The following MAPK6 variants were observed in gnomAD, a reference collection of about 807,000 sequenced individuals.
MAPK6 encodes the protein ERK-3.
MAPK6 carries 19 observed loss-of-function variants against 59.3 expected under a neutral mutation model. That is an observed-to-expected ratio of 0.32 (90% confidence interval 0.22 to 0.47). The LOEUF (loss-of-function observed/expected upper bound fraction) is 0.47. Among genes scored for constraint, MAPK6 ranks in the 20% least tolerant of loss-of-function variants. The pLI is 1.00. For synonymous variants in MAPK6, 316 were observed against 290.3 expected, an observed-to-expected ratio of 1.09 and a Z score of -0.90; for missense variants, 724 against 847.9, an observed-to-expected ratio of 0.85 and a Z score of 1.81.
intron 3 of MAPK6, among the ~76,000 whole-genome samples, chr15:52,051,759 A>G (rs1007377923): frequency 6.6e-6 from 1 of 152,018 alleles, no homozygotes; most frequent in African/African-American, 2.4e-5. Flanking sequence ...CTGTAATCCC[A>G]GCTACTGGGG....
intron 3 of MAPK6, among the ~76,000 whole-genome samples, chr15:52,050,476 CA>C (rs2031741721): frequency 6.6e-6 from 1 of 152,162 alleles, no homozygotes; most frequent in Non-Finnish European, 1.5e-5. Flanking sequence ...GAAAATCCAA[CA>C]AATTTTTCTT....
intron 3 of MAPK6, among the ~76,000 whole-genome samples, chr15:52,013,009 AAAAAAAAAAAAATATATATATATATATAT>A (rs1410657072): frequency 3.8e-5 from 1 of 26,112 alleles, no homozygotes; most frequent in African/African-American, 1.5e-4. Flanking sequence ...AAAAAAAAAA[AAAAAAAAAAAAATATATATATATATATAT>A]ATATATATAT....
chr15:52,052,712 A>G (rs1377327363), intron 3 of MAPK6, among the ~76,000 whole-genome samples: 4 of 152,166 alleles, frequency 2.6e-5, no homozygotes, highest in Non-Finnish European at 4.4e-5. Flanking sequence ...ATGTTGTGGC[A>G]TATGTTAGTA....
At chr15:52,047,545 C>T (rs777264195) in intron 2 of MAPK6, among the ~76,000 whole-genome samples, 1 of 151,806 alleles carries the variant, frequency 6.6e-6, no homozygotes, top group Non-Finnish European at 1.5e-5. Flanking sequence ...AGGGTTTCAC[C>T]GTGTTGGCCA....
Position 52,063,891 on chromosome 15 carries a change from A to T in MAPK6, c.1068-11A>T, listed in dbSNP as rs1255008541. ...TACGTAGAATAACGCTAGTGTATTG[A>T]TTTTTTTCAGGTATCATGATTGTCA... On this transcript the variant is annotated splice_polypyrimidine_tract_variant and intron_variant, in intron 5 of 5. Coordinates refer to ENST00000261845, the MANE Select transcript of MAPK6 (RefSeq NM_002748.4). 5.9e-6 allele frequency: 9 copies of T among 1,531,912 alleles called. No individual in the cohort carries two copies. The South Asian group carries it at 6.5e-5, about 11-fold the overall frequency. 94.9% of individuals were successfully genotyped at this position (1,531,912 alleles called of 1,614,324 possible).
chr15:52,042,141 C>A (rs528865204), intron 1 of MAPK6, among the ~76,000 whole-genome samples: 23 of 152,270 alleles, frequency 1.5e-4, no homozygotes, highest in Non-Finnish European at 3.1e-4. Context: ...TTTCCAAGAT[C>A]CTGGCTGAAA....
At chr15:52,028,767 CT>C (rs1451977292) in intron 1 of MAPK6, among the ~76,000 whole-genome samples, 1 of 152,200 alleles carries the variant, frequency 6.6e-6, no homozygotes, top group Non-Finnish European at 1.5e-5. Flanking sequence ...CCTCATTTCT[CT>C]GATTCTCTTC....
At position 51,984,697 on chromosome 15, in the gene MAPK6, A is replaced by G. The variant is rs572669336; in HGVS notation, c.-770+1382A>G. Among the ~76,000 whole-genome samples, 249 of 151,956 alleles carry G rather than the reference A, an allele frequency of 1.6e-3. 1 individual carries two copies. Among genetic ancestry groups the G allele is most frequent in the Non-Finnish European group, 3.1e-3 (212 of 67,988 alleles). On this transcript the variant is annotated intron_variant, in intron 2 of 7. Transcript: ENST00000691380. ...AACAACCAGTTCTCCGGGGGGGAAGAAAAGCCCTGATATGTGGTGTTTGCT... is the reference window on the plus strand; with the variant it reads ...AACAACCAGTTCTCCGGGGGGGAAGGAAAGCCCTGATATGTGGTGTTTGCT...
intron 1 of MAPK6, among the ~76,000 whole-genome samples, chr15:52,026,556 T>G (rs1489064697): frequency 2.0e-5 from 3 of 151,592 alleles, no homozygotes; most frequent in Non-Finnish European, 2.9e-5. Context: ...CCTCCCAAAG[T>G]GCAGGGATTA....
intron 3 of MAPK6, among the ~76,000 whole-genome samples, chr15:52,009,344 C>T (rs561336141): frequency 4.9e-4 from 74 of 152,334 alleles, no homozygotes; most frequent in Non-Finnish European, 1.0e-3. Context: ...AAGTTGGACA[C>T]TGTCTCCAGA....
intron 1 of MAPK6, 81 bp from the exon 2 acceptor site, chr15:52,045,749 C>A (rs2031575073): frequency 6.6e-6 from 1 of 152,584 alleles, no homozygotes; most frequent in Admixed American, 6.5e-5. Flanking sequence ...TTGCTAAATG[C>A]CTACTTTGTG....
chr15:52,014,228 G>A (rs1296897496), upstream of MAPK6, among the ~76,000 whole-genome samples: 3 of 151,984 alleles, frequency 2.0e-5, no homozygotes, highest in Admixed American at 6.6e-5. Context: ...TCTATCTCTC[G>A]CTGTACTTAT....
chr15:52,016,071 C>CGTGCAA (rs1491560107), upstream of MAPK6, among the ~76,000 whole-genome samples: 1 of 12,758 alleles, frequency 7.8e-5, no homozygotes, highest in African/African-American at 1.8e-4. Flanking sequence ...CGCGCGCGCG[C>CGTGCAA]ACACACACAC....
At chr15:52,035,711 AT>A (rs1445082426) in intron 1 of MAPK6, 4 of 151,798 alleles carry the variant, frequency 2.6e-5, no homozygotes, top group African/African-American at 9.7e-5. Flanking sequence ...ATTCTCTAAT[AT>A]TTTATCTGAG....
chr15:52,058,682 T>C lies in MAPK6; in HGVS notation c.750T>C (p.Val250=), dbSNP rs2306793. The change falls in exon 4 of 6, where the codon GTT becomes GTC. Residue 250 remains valine (V), a synonymous_variant. Transcript: ENST00000261845. ...AGCTGATTTTAGAATCTATTCCTGT[T>C]GTACATGAGGAAGATCGTCAGGAGC... The part of the protein sequence containing the change: ...QMQLILESIP[V]VHEEDRQELL... 0.03 allele frequency: 48,657 copies of C among 1,613,202 alleles called. 2,682 individuals are homozygous for C. The highest frequency in any genetic ancestry group is 0.21 in the African/African-American group (15,872 of 74,968).
At chr15:51,985,659 A>T (rs1163031770) in intron 2 of MAPK6, among the ~76,000 whole-genome samples, 3 of 151,234 alleles carry the variant, frequency 2.0e-5, no homozygotes, top group African/African-American at 7.3e-5. Flanking sequence ...TCTCAAAAAA[A>T]CAAAAAACAA....
chr15:52,007,573 T>A (rs1316192907), intron 3 of MAPK6, among the ~76,000 whole-genome samples: 1 of 152,174 alleles, frequency 6.6e-6, no homozygotes, highest in Non-Finnish European at 1.5e-5. Flanking sequence ...AAGCCAGTTT[T>A]AAATACAAAT....
Position 52,064,775 on chromosome 15 carries a change from A to C in MAPK6, c.1941A>C (p.Val647=), listed in dbSNP as rs778276565. 1 of 1,611,842 alleles carries C rather than the reference A, an allele frequency of 6.2e-7. No individual in the cohort carries two copies. The highest frequency in any genetic ancestry group is 8.5e-7 in the Non-Finnish European group (1 of 1,179,802). ...CTGAAATGCTAGAAACTGAGCCAGT[A>C]GAGGATGGGAAGCTTGGGGAGAGAG... ...EDTEMLETEP[V]EDGKLGERGH... Residue 647 remains valine (V), a synonymous_variant, in exon 6 of 6, where the codon GTA becomes GTC. Transcript: ENST00000261845.
intron 2 of MAPK6, among the ~76,000 whole-genome samples, chr15:51,984,557 C>G (rs1051819889): frequency 6.6e-6 from 1 of 150,568 alleles, no homozygotes; most frequent in Non-Finnish European, 1.5e-5. Context: ...CCCGCCTCAG[C>G]CTCCCAAAGT....
Sources: gnomAD v4.1 joint callset for allele counts (sites outside exome capture counted in the v4.1 genomes callset) on GRCh38, gnomAD v4.1.1 for gene constraint, MANE v1.5 for transcripts, NCBI Gene and HGNC (gene_info 2026-07-23, HGNC 2026-07-21) for gene names.